MEF2A: variants seen among roughly 807,000 people sequenced by gnomAD.
MEF2A encodes myocyte enhancer factor 2A.
Under a neutral mutation model 55.8 loss-of-function variants are expected in MEF2A, and 28 were observed. The ratio of observed to expected loss-of-function variants is 0.50; its 90% CI spans 0.37 to 0.69. The LOEUF is 0.69. Ranked by LOEUF, MEF2A falls within the 30% of genes least tolerant of loss-of-function variation. The pLI, the probability that MEF2A is intolerant of heterozygous loss-of-function variation, is 0.00. For missense variants in MEF2A, 528 were observed against 626.2 expected (o/e 0.84, Z 1.67); for synonymous variants, 239 against 227.1 (o/e 1.05, Z -0.47).
At chr15:99,571,629 A>G (rs1021349541) in intron 1 of MEF2A, among the ~76,000 whole-genome samples, 1 of 152,178 alleles carries the variant, frequency 6.6e-6, no homozygotes, top group Non-Finnish European at 1.5e-5. Context: ...TTCCCAGCCC[A>G]GACTTCTCTT....
intron 7 of MEF2A, among the ~76,000 whole-genome samples, chr15:99,689,112 A>G (rs939048737): frequency 2.6e-5 from 4 of 152,236 alleles, no homozygotes; most frequent in Non-Finnish European, 4.4e-5. Context: ...ATATATCACA[A>G]TGTGCATTTT....
rs758607175 is a variant in MEF2A at position 99,712,532 on chromosome 15, CAG to C, written c.1280_1281del (p.Gln427ProfsTer33). Reference protein sequence around the residue: ...FQQQQQQQQQQQPPPPPQPQP... With the variant: ...FQQQQQQQQQXQPPPPPQPQP... ...GCAGCAGCAGCAGCAGCAGCAGCAG[CAG>C]CAGCCGCCGCCACCACCGCAGCCCC... On this transcript the variant is annotated frameshift_variant, in exon 12 of 12. Coordinates refer to ENST00000557942, the MANE Select transcript of MEF2A (RefSeq NM_001319206.4). LOFTEE classifies it high-confidence loss of function. The surrounding 1 kb of genome is among the most constrained non-coding windows in gnomAD (Gnocchi z 4.1). The C allele has an allele frequency of 1.6e-4, 247 of 1,537,282 alleles. No homozygotes were observed. The African/African-American group carries it at 1.8e-3, about 11-fold the overall frequency.
At chr15:99,577,690 A>C (rs143279519) in intron 1 of MEF2A, among the ~76,000 whole-genome samples, 1 of 152,156 alleles carries the variant, frequency 6.6e-6, no homozygotes, top group Non-Finnish European at 1.5e-5. Context: ...TATCTGTTCT[A>C]AGTTCTAAGT....
At chr15:99,587,363 C>A (rs557385406) in intron 1 of MEF2A, among the ~76,000 whole-genome samples, 1 of 152,272 alleles carries the variant, frequency 6.6e-6, no homozygotes, top group Admixed American at 6.5e-5. Context: ...CAGCTTCATC[C>A]ATGTCCCTGC....
intron 9 of MEF2A, among the ~76,000 whole-genome samples, chr15:99,705,299 T>C (rs1444524568): frequency 3.9e-4 from 60 of 152,232 alleles, no homozygotes; most frequent in Non-Finnish European, 7.3e-5. Flanking sequence ...GTATCTTTTT[T>C]CCCACCAGTT....
chr15:99,656,814 G>A (rs963667018), intron 4 of MEF2A, among the ~76,000 whole-genome samples: 11 of 151,996 alleles, frequency 7.2e-5, no homozygotes, highest in Non-Finnish European at 1.5e-4. Context: ...GATATAATTC[G>A]TATACCATAA....
At chr15:99,649,019 A>G (rs1303147722) in intron 4 of MEF2A, among the ~76,000 whole-genome samples, 2 of 152,284 alleles carry the variant, frequency 1.3e-5, no homozygotes, top group South Asian at 2.1e-4. Context: ...ACTTAAATCC[A>G]TCTATCTTTG....
intron 8 of MEF2A, among the ~76,000 whole-genome samples, chr15:99,692,629 G>A (rs1015394601): frequency 1.3e-5 from 2 of 152,140 alleles, no homozygotes; most frequent in African/African-American, 4.8e-5. Flanking sequence ...AACACAGGGT[G>A]AGTCTGTGTT....
At chr15:99,609,934 G>C (rs1976528321) in intron 2 of MEF2A, among the ~76,000 whole-genome samples, 1 of 151,888 alleles carries the variant, frequency 6.6e-6, no homozygotes, top group Non-Finnish European at 1.5e-5. Flanking sequence ...AAAATTAATT[G>C]GCATTTCTTG....
chr15:99,683,039 C>T (rs1311220098), intron 7 of MEF2A, among the ~76,000 whole-genome samples: 1 of 152,164 alleles, frequency 6.6e-6, no homozygotes, highest in African/African-American at 2.4e-5. Flanking sequence ...ATTTAATAAA[C>T]ATTTTTAATT....
chr15:99,653,917 T>G (rs1446694703), intron 4 of MEF2A, among the ~76,000 whole-genome samples: 1 of 152,162 alleles, frequency 6.6e-6, no homozygotes, highest in African/African-American at 2.4e-5. Context: ...ATTTCCAGAA[T>G]GTATCTCGAA....
intron 10 of MEF2A, among the ~76,000 whole-genome samples, chr15:99,709,637 A>G (rs1383837692): frequency 6.6e-6 from 1 of 152,226 alleles, no homozygotes; most frequent in Non-Finnish European, 1.5e-5. Flanking sequence ...TTGAGACATG[A>G]GAAAGAAGAT....
At chr15:99,602,737 T>G (rs1293685126) in intron 2 of MEF2A, among the ~76,000 whole-genome samples, 155 of 4,216 alleles carry the variant, frequency 0.037, no homozygotes, top group African/African-American at 0.067. Flanking sequence ...TGTGGGGGGG[T>G]GGGGGTGGGG....
At chr15:99,668,181 C>T (rs1016571245) in intron 4 of MEF2A, among the ~76,000 whole-genome samples, 9 of 152,048 alleles carry the variant, frequency 5.9e-5, no homozygotes, top group African/African-American at 1.4e-4. Context: ...CTTCTATAGA[C>T]GTGTACTGAT....
chr15:99,709,494 C>T (rs1024084042), intron 10 of MEF2A, among the ~76,000 whole-genome samples: 15 of 152,264 alleles, frequency 9.9e-5, no homozygotes, highest in Non-Finnish European at 1.9e-4. Context: ...GGTCCTTGCC[C>T]CAGCCCATGG....
At chr15:99,697,416 A>C (rs2056650274) in intron 8 of MEF2A, among the ~76,000 whole-genome samples, 1 of 152,072 alleles carries the variant, frequency 6.6e-6, no homozygotes, top group Non-Finnish European at 1.5e-5. Flanking sequence ...TTAATATATA[A>C]AAATCGATTA....
intron 8 of MEF2A, among the ~76,000 whole-genome samples, chr15:99,698,854 C>G (rs1567479203): frequency 6.6e-6 from 1 of 151,684 alleles, no homozygotes; most frequent in East Asian, 1.9e-4. Context: ...CAGAAAATCT[C>G]TCCCATATCT....
chr15:99,656,100 T>G (rs1472721511), intron 4 of MEF2A, among the ~76,000 whole-genome samples: 2 of 152,166 alleles, frequency 1.3e-5, no homozygotes, highest in African/African-American at 4.8e-5. Flanking sequence ...ATTAAGAGTA[T>G]TTATGATACT....
In MEF2A at chr15:99,576,410, A is replaced by G. The variant is rs191264250; in HGVS notation, c.-225+10306A>G. Among the ~76,000 whole-genome samples, 476 of 152,272 alleles carry G rather than the reference A, an allele frequency of 3.1e-3. 1 individual carries two copies. The highest frequency in any genetic ancestry group is 0.011 in the African/African-American group (459 of 41,550). On this transcript the variant is annotated intron_variant, in intron 1 of 11. Transcript: ENST00000557942. ...TATATCTTTTACTTACTCAGTGAGT[A>G]TGTTCATAGTGTCTTGAGCGTGGTT... is the stretch of plus-strand genomic sequence containing the variant.
Sources: gnomAD v4.1 joint callset for allele counts (sites outside exome capture counted in the v4.1 genomes callset) on GRCh38, gnomAD v4.1.1 for gene constraint, Gnocchi (gnomAD v3.1) non-coding constraint, MANE v1.5 for transcripts, NCBI Gene and HGNC (gene_info 2026-07-23, HGNC 2026-07-21) for gene names.